CCDC152: variants seen among roughly 807,000 people sequenced by gnomAD.
CCDC152 encodes the protein coiled-coil domain-containing protein 152.
CCDC152 carries 37 observed loss-of-function variants against 38.1 expected under a neutral mutation model. That is an observed-to-expected ratio of 0.97 (90% confidence interval 0.75 to 1.28). The LOEUF (loss-of-function observed/expected upper bound fraction) is 1.28. Ranked by LOEUF, CCDC152 falls within the 50% of genes most tolerant of loss-of-function variation. The pLI is 0.00. For missense variants in CCDC152, 259 were observed against 292.1 expected, an observed-to-expected ratio of 0.89 and a Z score of 0.83; for synonymous variants, 83 against 87.1, an observed-to-expected ratio of 0.95 and a Z score of 0.26.
At chr5:42,783,822 C>T (rs1205647213) in intron 6 of CCDC152, among the ~76,000 whole-genome samples, 2 of 151,618 alleles carry the variant, frequency 1.3e-5, no homozygotes, top group Non-Finnish European at 2.9e-5. Flanking sequence ...TTAGCTCCCA[C>T]TTATAAGTGA....
At chr5:42,781,074 G>A (rs572112244) in intron 5 of CCDC152, among the ~76,000 whole-genome samples, 6 of 152,264 alleles carry the variant, frequency 3.9e-5, no homozygotes, top group African/African-American at 9.6e-5. Context: ...GGGTCTCACC[G>A]AATTAACTGG....
Position 42,796,941 on chromosome 5 carries a change from C to G in CCDC152, c.543C>G (p.Ile181Met), listed in dbSNP as rs1760083843. 5 of 1,520,258 alleles carry G rather than the reference C, an allele frequency of 3.3e-6. No homozygotes were observed. The African/African-American group carries it at 7.0e-5, about 21-fold the overall frequency. 94.2% of individuals were successfully genotyped at this position (1,520,258 alleles called of 1,614,324 possible). ...AAAAAGAAAAACAAAATGAAATAATCAAGCTACAACTAGAAGTAAGTGTTT... is the reference window on the plus strand; with the variant it reads ...AAAAAGAAAAACAAAATGAAATAATGAAGCTACAACTAGAAGTAAGTGTTT... ...SQEKEKQNEI[I>M]KLQLEFDAKL... The change falls in exon 7 of 9, where the codon ATC becomes ATG. Residue 181 changes from isoleucine (I) to methionine (M), a missense_variant. By Grantham distance (10) the Ile-to-Met change is conservative. Coordinates refer to ENST00000361970, the MANE Select transcript of CCDC152 (RefSeq NM_001134848.2).
intron 4 of CCDC152, among the ~76,000 whole-genome samples, chr5:42,770,455 C>A (rs1214442496): frequency 6.6e-6 from 1 of 151,970 alleles, no homozygotes; most frequent in African/African-American, 2.4e-5. Flanking sequence ...ACTAAAATAC[C>A]ACACCCAGCT....
intron 3 of CCDC152, among the ~76,000 whole-genome samples, chr5:42,764,603 T>A (rs564448110): frequency 6.6e-6 from 1 of 152,336 alleles, no homozygotes; most frequent in East Asian, 1.9e-4. Flanking sequence ...ATCCCTTGGA[T>A]GCAAGGATGC....
chr5:42,780,803 A>C (rs796693033), intron 5 of CCDC152, among the ~76,000 whole-genome samples: 2 of 152,206 alleles, frequency 1.3e-5, no homozygotes, highest in South Asian at 4.1e-4. Flanking sequence ...AGGATTTTGC[A>C]ACTTGTATAG....
At chr5:42,787,361 A>G (rs769759452) in intron 6 of CCDC152, among the ~76,000 whole-genome samples, 10 of 151,832 alleles carry the variant, frequency 6.6e-5, no homozygotes, top group Non-Finnish European at 1.5e-4. Flanking sequence ...GCTTTTTAAA[A>G]TGTAGCTACC....
At chr5:42,763,531 C>T (rs934782426) in intron 3 of CCDC152, among the ~76,000 whole-genome samples, 3 of 152,036 alleles carry the variant, frequency 2.0e-5, no homozygotes, top group Non-Finnish European at 2.9e-5. Context: ...GTGGAGAAGC[C>T]TGACAAATAC....
chr5:42,779,645 G>A, intron 5 of CCDC152, 123 bp downstream of exon 5: 2 of 561,702 alleles, frequency 3.6e-6, no homozygotes, highest in Non-Finnish European at 6.3e-6. Context: ...GTGTGTGTGT[G>A]TGGAGATATA....
Position 42,783,482 on chromosome 5 carries a change from G to T in CCDC152, c.336G>T (p.Lys112Asn). The change falls in exon 6 of 9, where the codon AAG becomes AAT. Residue 112 changes from lysine to asparagine, a missense_variant. Transcript: ENST00000361970. ...EKLKSHEQEY[K>N]NNIAKLVSEM... is the part of the protein sequence containing the mutation. Reference sequence around the variant, plus strand: ...TATATTTTAATCTTTAGGAATATAAGAATAATATTGCCAAACTTGTAAGTG... The same window carrying T: ...TATATTTTAATCTTTAGGAATATAATAATAATATTGCCAAACTTGTAAGTG... 1 of 1,298,546 alleles carries T rather than the reference G, an allele frequency of 7.7e-7. No homozygotes were observed. The highest frequency in any genetic ancestry group is 2.2e-5 in the South Asian group (1 of 44,660). 80.4% of individuals were successfully genotyped at this position (1,298,546 alleles called of 1,614,324 possible).
intron 6 of CCDC152, among the ~76,000 whole-genome samples, chr5:42,791,381 C>T (rs1759997873): frequency 6.6e-6 from 1 of 152,188 alleles, no homozygotes; most frequent in Admixed American, 6.5e-5. Context: ...CCTGCCATCC[C>T]CATGGGTATT....
chr5:42,763,757 C>CT (rs1174276509), intron 3 of CCDC152, among the ~76,000 whole-genome samples: 2 of 152,102 alleles, frequency 1.3e-5, no homozygotes, highest in Non-Finnish European at 2.9e-5. Context: ...TAAGGAAACT[C>CT]TGAGATATTG....
intron 4 of CCDC152, among the ~76,000 whole-genome samples, chr5:42,776,598 A>G (rs2111559080): frequency 6.6e-6 from 1 of 152,332 alleles, no homozygotes; most frequent in Non-Finnish European, 1.5e-5. Flanking sequence ...ATTTCATCCA[A>G]CAACAGCAGA....
intron 4 of CCDC152, among the ~76,000 whole-genome samples, chr5:42,775,676 A>T (rs1411225417): frequency 6.6e-6 from 1 of 152,170 alleles, no homozygotes; most frequent in Non-Finnish European, 1.5e-5. Context: ...TATTTTTCTT[A>T]TTCTCAATTG....
intron 6 of CCDC152, among the ~76,000 whole-genome samples, chr5:42,793,285 A>C (rs1388820864): frequency 2.0e-5 from 3 of 152,174 alleles, no homozygotes; most frequent in African/African-American, 7.2e-5. Flanking sequence ...GTATTTGAGC[A>C]AAAGGATAGA....
rs534323362 is a variant in CCDC152 at position 42,779,899 on chromosome 5, A to G, written c.327+377A>G. Among the ~76,000 whole-genome samples the G allele has an allele frequency of 2.6e-5, 4 of 152,230 alleles. No homozygotes were observed. The South Asian group carries it at 6.2e-4, about 24-fold the overall frequency. On this transcript the variant is annotated intron_variant, in intron 5 of 8. Coordinates refer to ENST00000361970, the MANE Select transcript of CCDC152 (RefSeq NM_001134848.2). ...TTCTTATTATAATGTAAATGAATCT[A>G]TACTCTTTATGATTTGGGTAATCAT...
rs142833983 is a variant in CCDC152, at chr5:42,767,835, A to C, written c.194-1762A>C. 2.3e-3 allele frequency among the ~76,000 whole-genome samples: 350 copies of C among 152,352 alleles called. 1 individual carries two copies. The highest frequency in any genetic ancestry group is 8.1e-3 in the African/African-American group (336 of 41,586). On this transcript the variant is annotated intron_variant, in intron 3 of 8. Transcript: ENST00000361970. ...GGATTCATTATTCTAAAAGGCACAA[A>C]GACAAGTGATGGCAGAGTCTGTCTA...
At chr5:42,771,997 C>T (rs1487401303) in intron 4 of CCDC152, among the ~76,000 whole-genome samples, 1 of 152,108 alleles carries the variant, frequency 6.6e-6, no homozygotes. Flanking sequence ...TAAACACAGA[C>T]TCAAAAATCT....
chr5:42,788,747 T>C (rs1194889097), intron 6 of CCDC152, among the ~76,000 whole-genome samples: 1 of 152,266 alleles, frequency 6.6e-6, no homozygotes, highest in Non-Finnish European at 1.5e-5. Flanking sequence ...TTAAAGAATA[T>C]AAATTAATAA....
intron 6 of CCDC152, among the ~76,000 whole-genome samples, chr5:42,784,364 T>C (rs1200390692): frequency 6.6e-6 from 1 of 152,212 alleles, no homozygotes; most frequent in African/African-American, 2.4e-5. Flanking sequence ...TAATTAGTAA[T>C]GTTGAACATT....
Sources: allele counts gnomAD v4.1 joint callset (sites outside exome capture counted in the v4.1 genomes callset), GRCh38; gene constraint gnomAD v4.1.1; transcripts MANE v1.5; gene names NCBI Gene and HGNC (gene_info 2026-07-23, HGNC 2026-07-21).